Variants in NEMP2 observed in about 807,000 individuals in gnomAD.
NEMP2 encodes nuclear envelope integral membrane protein 2, also known as UPF0571 transmembrane protein.
NEMP2 carries 53 observed loss-of-function variants against 54.2 expected under a neutral mutation model. The observed-to-expected ratio is 0.98, with a 90% CI of 0.78 to 1.23. The LOEUF is 1.23. Ranked by LOEUF, NEMP2 falls within the 50% of genes most tolerant of loss-of-function variation. The pLI is 0.00. For synonymous variants in NEMP2, 197 were observed against 190.3 expected (o/e 1.04, Z -0.29); for missense variants, 455 against 511.3 (o/e 0.89, Z 1.06).
chr2:190,511,266 C>G (rs1038717547), intron 7 of NEMP2, among the ~76,000 whole-genome samples: 1 of 152,084 alleles, frequency 6.6e-6, no homozygotes, highest in Non-Finnish European at 1.5e-5. Context: ...ACCATTTACT[C>G]TCCACACCAA....
chr2:190,637,826 T>C, the NEMP2 span, among the ~76,000 whole-genome samples: 1 of 152,248 alleles, frequency 6.6e-6, no homozygotes, highest in African/African-American at 2.4e-5. The surrounding 1 kb of genome is among the most constrained non-coding windows in gnomAD (Gnocchi z 4.5). Context: ...AATTTTCTTG[T>C]GCTTATAGGC....
intron 7 of NEMP2, among the ~76,000 whole-genome samples, chr2:190,511,295 G>A (rs1690355382): frequency 1.3e-5 from 2 of 152,074 alleles, no homozygotes; most frequent in Admixed American, 6.5e-5. Flanking sequence ...GAGGATTTGT[G>A]GGATATCACT....
chr2:190,555,853 A>G, the NEMP2 span, among the ~76,000 whole-genome samples: 3 of 152,158 alleles, frequency 2.0e-5, no homozygotes, highest in Non-Finnish European at 4.4e-5. This position sits in a 1 kb window ranked among gnomAD's most constrained non-coding sequence, Gnocchi z 4.8. Context: ...CCAACCAAAA[A>G]AAGTCCAGGA....
chr2:190,605,783 T>C, the NEMP2 span, among the ~76,000 whole-genome samples: 1 of 152,236 alleles, frequency 6.6e-6, no homozygotes, highest in Non-Finnish European at 1.5e-5. Flanking sequence ...TCAGTTCTCC[T>C]GTAAAACCCT....
the NEMP2 span, among the ~76,000 whole-genome samples, chr2:190,438,319 C>T: frequency 6.6e-6 from 1 of 152,078 alleles, no homozygotes; most frequent in African/African-American, 2.4e-5. The surrounding 1 kb of genome is among the most constrained non-coding windows in gnomAD (Gnocchi z 5.2). Context: ...AGTTCGAGAC[C>T]AGCCTGGCCA....
chr2:190,596,721 T>C, the NEMP2 span, among the ~76,000 whole-genome samples: 1 of 152,226 alleles, frequency 6.6e-6, no homozygotes, highest in Non-Finnish European at 1.5e-5. The surrounding 1 kb of genome is among the most constrained non-coding windows in gnomAD (Gnocchi z 5.1). Flanking sequence ...TTACTATAAA[T>C]TTGTGTATAA....
At chr2:190,436,519 C>G in the NEMP2 span, 2 of 1,614,206 alleles carry the variant, frequency 1.2e-6, no homozygotes, top group Non-Finnish European at 1.7e-6. This position sits in a 1 kb window ranked among gnomAD's most constrained non-coding sequence, Gnocchi z 5.3. Flanking sequence ...ACCAAAGATT[C>G]GCCCAACAAC....
chr2:190,470,259 A>C, the NEMP2 span, among the ~76,000 whole-genome samples: 3 of 152,220 alleles, frequency 2.0e-5, no homozygotes, highest in Admixed American at 6.5e-5. Context: ...TAATTATTTT[A>C]TCTCTTCAGT....
At chr2:190,493,250 C>A in the NEMP2 span, among the ~76,000 whole-genome samples, 1 of 152,032 alleles carries the variant, frequency 6.6e-6, no homozygotes, top group South Asian at 2.1e-4. Flanking sequence ...TCAGACAAAG[C>A]AAACATAAAA....
At chr2:190,454,976 ATGT>A in the NEMP2 span, among the ~76,000 whole-genome samples, 1 of 90,878 alleles carries the variant, frequency 1.1e-5, no homozygotes, top group Non-Finnish European at 3.0e-5. The surrounding 1 kb of genome is among the most constrained non-coding windows in gnomAD (Gnocchi z 4.6). Context: ...GTATATGTAT[ATGT>A]ATATGTATAT....
At chr2:190,614,040 C>T in the NEMP2 span, among the ~76,000 whole-genome samples, 1 of 141,834 alleles carries the variant, frequency 7.1e-6, no homozygotes, top group Non-Finnish European at 1.6e-5. This position sits in a 1 kb window ranked among gnomAD's most constrained non-coding sequence, Gnocchi z 5.7. Context: ...AATTAGAACT[C>T]TTTTATATAT....
chr2:190,475,302 A>T, the NEMP2 span, among the ~76,000 whole-genome samples: 1 of 151,796 alleles, frequency 6.6e-6, no homozygotes, highest in African/African-American at 2.4e-5. Flanking sequence ...ACATGATTGT[A>T]TATCTAGAAA....
At position 190,525,436 on chromosome 2, in the gene NEMP2, TA is replaced by T; in HGVS notation, c.98-59del. Reference sequence around the variant, plus strand: ...CTGTTTAATTGCCCAGAATCTTTTTTAAAAAAAGTTTGCAGGGAGGTAACAG... The same window carrying T: ...CTGTTTAATTGCCCAGAATCTTTTTTAAAAAAGTTTGCAGGGAGGTAACAG... On this transcript the variant is annotated intron_variant, in intron 1 of 8. Coordinates refer to ENST00000409150, the MANE Select transcript of NEMP2 (RefSeq NM_001142645.2). This position sits in a 1 kb window ranked among gnomAD's most constrained non-coding sequence, Gnocchi z 5.0. The T allele has an allele frequency of 3.8e-6, 4 of 1,058,784 alleles. No individual in the cohort carries two copies. The highest frequency in any genetic ancestry group is 2.5e-5 in the Admixed American group (1 of 39,550). 65.6% of individuals were successfully genotyped at this position (1,058,784 alleles called of 1,614,324 possible).
rs1299661337 is a variant in NEMP2 at position 190,517,585 on chromosome 2, T to C, written c.547A>G (p.Thr183Ala). The C allele has an allele frequency of 5.8e-6, 9 of 1,549,794 alleles. No individual in the cohort carries two copies. Among genetic ancestry groups the C allele is most frequent in the Non-Finnish European group, 7.9e-6 (9 of 1,146,290 alleles). ...AATGTCATTAGAACACCTAGCACAGTTCCCGAGGAGTAATAGAAAGTAGGG... is the reference window on the plus strand; with the variant it reads ...AATGTCATTAGAACACCTAGCACAGCTCCCGAGGAGTAATAGAAAGTAGGG... ...QSPTFYYSSG[T>A]VLGVLMTLVF... Residue 183 changes from threonine to alanine, a missense_variant, in exon 5 of 9, where the codon ACT becomes GCT. By Grantham distance (58) the Thr-to-Ala change is moderately conservative (BLOSUM62 0). Transcript: ENST00000409150.
the NEMP2 span, among the ~76,000 whole-genome samples, chr2:190,620,158 G>T: frequency 1.3e-5 from 2 of 152,204 alleles, no homozygotes; most frequent in Non-Finnish European, 2.9e-5. This position sits in a 1 kb window ranked among gnomAD's most constrained non-coding sequence, Gnocchi z 4.9. Context: ...TTAGAAGTTT[G>T]TCGAGACAGT....
the NEMP2 span, among the ~76,000 whole-genome samples, chr2:190,543,838 TCTG>T: frequency 6.6e-6 from 1 of 152,232 alleles, no homozygotes; most frequent in East Asian, 1.9e-4. The surrounding 1 kb of genome is among the most constrained non-coding windows in gnomAD (Gnocchi z 4.7). Context: ...ATTTTCAGCC[TCTG>T]CTTTTTTATT....
chr2:190,429,250 A>T, the NEMP2 span, among the ~76,000 whole-genome samples: 4 of 141,220 alleles, frequency 2.8e-5, no homozygotes, highest in Non-Finnish European at 4.6e-5. Context: ...GTGTGTGTGT[A>T]TACATATATC....
At position 190,519,171 on chromosome 2, in the gene NEMP2, T is replaced by C; in HGVS notation, c.226A>G (p.Ser76Gly). ...IWSTMQVKIT[S>G]PGLFRIVYIA... ...TATACAATTCTGAACAGGCCTGGAC[T>C]GGTAATTTTCACCTGTAAAACAAGA... Residue 76 changes from serine (S) to glycine (G), a missense_variant, in exon 3 of 9, where the codon AGT becomes GGT. Physicochemically the swap from Ser to Gly is moderately conservative, Grantham distance 56. Coordinates refer to ENST00000409150, the MANE Select transcript of NEMP2 (RefSeq NM_001142645.2). The surrounding 1 kb of genome is among the most constrained non-coding windows in gnomAD (Gnocchi z 5.4). 1 of 1,543,284 alleles carries C rather than the reference T, an allele frequency of 6.5e-7. No individual in the cohort carries two copies. The highest frequency in any genetic ancestry group is 1.2e-5 in the South Asian group (1 of 83,588).
the NEMP2 span, among the ~76,000 whole-genome samples, chr2:190,614,066 A>G: frequency 6.6e-6 from 1 of 151,694 alleles, no homozygotes; most frequent in Non-Finnish European, 1.5e-5. This position sits in a 1 kb window ranked among gnomAD's most constrained non-coding sequence, Gnocchi z 5.7. Context: ...GTAGTGAAAC[A>G]TGGTGTACAC....
Sources: gnomAD v4.1 joint callset for allele counts (sites outside exome capture counted in the v4.1 genomes callset) on GRCh38, gnomAD v4.1.1 for gene constraint, Gnocchi (gnomAD v3.1) non-coding constraint, MANE v1.5 for transcripts, NCBI Gene and HGNC (gene_info 2026-07-23, HGNC 2026-07-21) for gene names.